Variants in HS3ST4 observed in about 807,000 individuals in gnomAD.
HS3ST4 encodes the protein heparan sulfate-glucosamine 3-sulfotransferase 4, also known as heparan sulfate glucosamine 3-O-sulfotransferase 4.
A neutral mutation model predicts 29.2 loss-of-function variants in HS3ST4; 17 were observed. That is an observed-to-expected ratio of 0.58 (90% CI 0.40 to 0.87). The LOEUF is 0.87. HS3ST4 is among the 40% of genes least tolerant of loss of function. The probability of loss-of-function intolerance (pLI) is 0.00; values close to 1 mark genes in which losing one functional copy is unlikely to be tolerated. For missense variants in HS3ST4, 627 were observed against 634.5 expected (o/e 0.99, Z 0.13); for synonymous variants, 314 against 285.7 (o/e 1.10, Z -1.00).
chr16:25,919,915 G>A (rs1218012314), intron 1 of HS3ST4, among the ~76,000 whole-genome samples: 2 of 150,896 alleles, frequency 1.3e-5, no homozygotes, highest in African/African-American at 4.8e-5. Flanking sequence ...AGTTTTTTAA[G>A]AAGCTTGGAT....
chr16:26,055,681 C>T (rs528406389), intron 1 of HS3ST4, among the ~76,000 whole-genome samples: 2 of 152,174 alleles, frequency 1.3e-5, no homozygotes, highest in Non-Finnish European at 2.9e-5. Flanking sequence ...GTCACTATCC[C>T]CTGGCTAAAT....
intron 1 of HS3ST4, among the ~76,000 whole-genome samples, chr16:25,843,510 A>G (rs922128385): frequency 6.6e-6 from 1 of 152,160 alleles, no homozygotes; most frequent in African/African-American, 2.4e-5. Flanking sequence ...TATAAATCCC[A>G]TGGCCAGTCC....
chr16:26,062,883 A>C (rs1014458468), intron 1 of HS3ST4: 1 of 253,480 alleles, frequency 3.9e-6, no homozygotes, highest in Non-Finnish European at 8.0e-6. Flanking sequence ...TCTGGCACCA[A>C]AGTTGGAGAA....
At chr16:26,133,413 C>T (rs1337085605) in intron 1 of HS3ST4, among the ~76,000 whole-genome samples, 2 of 152,180 alleles carry the variant, frequency 1.3e-5, no homozygotes, top group Admixed American at 1.3e-4. Flanking sequence ...TTCCCAGGGG[C>T]TGCATTCCTT....
intron 1 of HS3ST4, among the ~76,000 whole-genome samples, chr16:25,745,888 A>G (rs893218918): frequency 5.3e-5 from 8 of 152,206 alleles, no homozygotes; most frequent in Admixed American, 5.2e-4. Context: ...TCTGGTCTGT[A>G]TAGTATCGTG....
chr16:25,986,143 T>C (rs1969060434), intron 1 of HS3ST4, among the ~76,000 whole-genome samples: 1 of 152,224 alleles, frequency 6.6e-6, no homozygotes, highest in African/African-American at 2.4e-5. Flanking sequence ...AGTCTCCTTC[T>C]AATTTATTTT....
chr16:25,772,555 T>C (rs576611743), intron 1 of HS3ST4, among the ~76,000 whole-genome samples: 23 of 152,286 alleles, frequency 1.5e-4, no homozygotes, highest in Admixed American at 1.1e-3. Flanking sequence ...TTCAGTGTGT[T>C]TAGGGATTGA....
chr16:25,999,874 T>C (rs1969195306), intron 1 of HS3ST4, among the ~76,000 whole-genome samples: 1 of 124,978 alleles, frequency 8.0e-6, no homozygotes, highest in African/African-American at 3.1e-5. Flanking sequence ...TTATATATTT[T>C]ATATATATTA....
chr16:25,745,536 T>G (rs1242889571), intron 1 of HS3ST4, among the ~76,000 whole-genome samples: 2 of 152,176 alleles, frequency 1.3e-5, no homozygotes, highest in Non-Finnish European at 2.9e-5. Context: ...ATTTTATTAC[T>G]CCCTGTTCAA....
At chr16:25,913,734 A>G (rs1968262096) in intron 1 of HS3ST4, among the ~76,000 whole-genome samples, 1 of 151,590 alleles carries the variant, frequency 6.6e-6, no homozygotes, top group Non-Finnish European at 1.5e-5. Flanking sequence ...GTATGTGTAT[A>G]TGTAAGTAAT....
chr16:25,823,064 C>T lies in HS3ST4; in HGVS notation c.734+129913C>T, dbSNP rs558079865. On this transcript the variant is annotated intron_variant, in intron 1 of 1. Coordinates refer to ENST00000331351, the MANE Select transcript of HS3ST4 (RefSeq NM_006040.3). ...ACAGGATTACTTTTAATAACAGCAT[C>T]GTGTTTTCTTAGAAAGGGACCTGCA... Among the ~76,000 whole-genome samples the T allele has an allele frequency of 3.3e-5, 5 of 152,226 alleles. 1 individual carries two copies. The highest frequency in any genetic ancestry group is 1.2e-4 in the African/African-American group (5 of 41,534).
At chr16:25,974,104 A>G (rs1009644501) in intron 1 of HS3ST4, among the ~76,000 whole-genome samples, 4 of 152,218 alleles carry the variant, frequency 2.6e-5, no homozygotes, top group African/African-American at 7.2e-5. Flanking sequence ...TACACGATTG[A>G]AAGAATTTCA....
chr16:25,952,374 G>A (rs1399391710), intron 1 of HS3ST4, among the ~76,000 whole-genome samples: 1 of 152,204 alleles, frequency 6.6e-6, no homozygotes, highest in Non-Finnish European at 1.5e-5. Flanking sequence ...GGGGTATGCA[G>A]TCTCTGACCT....
At chr16:25,857,397 TG>T (rs1201744556) in intron 1 of HS3ST4, among the ~76,000 whole-genome samples, 1 of 152,196 alleles carries the variant, frequency 6.6e-6, no homozygotes, top group African/African-American at 2.4e-5. Flanking sequence ...ATGGGAGTGA[TG>T]GGTTGTCTAA....
At chr16:25,736,941 T>A (rs1426674966) in intron 1 of HS3ST4, among the ~76,000 whole-genome samples, 1 of 152,080 alleles carries the variant, frequency 6.6e-6, no homozygotes, top group Non-Finnish European at 1.5e-5. Context: ...CTCCACTTCC[T>A]GGGTTCAAGG....
At chr16:25,828,454 C>T (rs984587246) in intron 1 of HS3ST4, among the ~76,000 whole-genome samples, 10 of 151,406 alleles carry the variant, frequency 6.6e-5, no homozygotes, top group Admixed American at 2.0e-4. Flanking sequence ...AATTCTCCTG[C>T]CTCAGCCTGC....
At chr16:25,953,542 C>T (rs900725089) in intron 1 of HS3ST4, among the ~76,000 whole-genome samples, 13 of 152,118 alleles carry the variant, frequency 8.5e-5, no homozygotes, top group Non-Finnish European at 1.9e-4. Flanking sequence ...TAGAAATATT[C>T]TTTAAAGGGA....
intron 1 of HS3ST4, among the ~76,000 whole-genome samples, chr16:26,000,389 T>G (rs1480872779): frequency 6.6e-6 from 1 of 152,154 alleles, no homozygotes; most frequent in African/African-American, 2.4e-5. Context: ...TCTTCATAAT[T>G]AACAGAGCTC....
chr16:25,840,031 A>G (rs1338719527), intron 1 of HS3ST4, among the ~76,000 whole-genome samples: 1 of 152,178 alleles, frequency 6.6e-6, no homozygotes, highest in Non-Finnish European at 1.5e-5. Context: ...GATATGGTTG[A>G]GTTATACCTT....
Sources: gnomAD v4.1 joint callset for allele counts (sites outside exome capture counted in the v4.1 genomes callset) on GRCh38, gnomAD v4.1.1 for gene constraint, MANE v1.5 for transcripts, NCBI Gene and HGNC (gene_info 2026-07-23, HGNC 2026-07-21) for gene names.